Variants in ZMYM4 observed in about 807,000 individuals in gnomAD.
The protein encoded by ZMYM4 is zinc finger MYM-type protein 4.
Under a neutral mutation model 183.2 loss-of-function variants are expected in ZMYM4, and 31 were observed. That is an observed-to-expected ratio of 0.17 (90% CI 0.13 to 0.23). The LOEUF is 0.23. Ranked by LOEUF, ZMYM4 falls within the 10% of genes least tolerant of loss-of-function variation. The pLI is 1.00. For synonymous variants in ZMYM4, 592 were observed against 631.2 expected, an observed-to-expected ratio of 0.94 and a Z score of 0.93; for missense variants, 1,273 against 1,840.3, an observed-to-expected ratio of 0.69 and a Z score of 5.64.
Position 35,336,532 on chromosome 1 carries a change from G to A in ZMYM4, c.85+11127G>A, listed in dbSNP as rs201402967. Among the ~76,000 whole-genome samples the A allele has an allele frequency of 3.9e-5, 6 of 151,938 alleles. No homozygotes were observed. The East Asian group carries it at 5.8e-4, about 15-fold the overall frequency. Reference sequence around the variant, plus strand: ...CTCCCGAGTATCTAGGATTACAGGCGTGTGCCACCATCCCTGGCTAATTTT... The same window carrying A: ...CTCCCGAGTATCTAGGATTACAGGCATGTGCCACCATCCCTGGCTAATTTT... On this transcript the variant is annotated intron_variant, in intron 2 of 29. Transcript: ENST00000314607.
intron 25 of ZMYM4, among the ~76,000 whole-genome samples, chr1:35,406,672 T>C (rs953016260): frequency 6.6e-6 from 1 of 152,158 alleles, no homozygotes; most frequent in Non-Finnish European, 1.5e-5. Context: ...TTACTGAATA[T>C]CTCTCTTATA....
chr1:35,398,356 T>G, intron 20 of ZMYM4, 57 bp from the exon 21 acceptor site: 26 of 1,468,584 alleles, frequency 1.8e-5, no homozygotes, highest in Non-Finnish European at 2.4e-5. Flanking sequence ...TCATTTCATT[T>G]GAGATATAAT....
chr1:35,352,269 G>GCGCGCGCACA lies in ZMYM4; in HGVS notation c.86-6655_86-6654insGCGCGCACAC, dbSNP rs1366886543. 5.0e-4 allele frequency among the ~76,000 whole-genome samples: 62 copies of GCGCGCGCACA among 124,580 alleles called. 1 individual carries two copies. The highest frequency in any genetic ancestry group is 1.9e-3 in the African/African-American group (58 of 30,108). The allele number at this position is 124,580 out of a possible 152,430, so 81.7% of individuals were successfully genotyped here. On this transcript the variant is annotated intron_variant, in intron 2 of 29. Coordinates refer to ENST00000314607, the MANE Select transcript of ZMYM4 (RefSeq NM_005095.3). ...TAAAAATTAGCGCGCACGCGCGCGCGCACACACACACACACACACACACAC... is the reference window on the plus strand; with the variant it reads ...TAAAAATTAGCGCGCACGCGCGCGCGCGCGCGCACACACACACACACACACACACACACAC...
intron 25 of ZMYM4, among the ~76,000 whole-genome samples, chr1:35,407,305 C>T (rs1290873997): frequency 6.6e-6 from 1 of 151,778 alleles, no homozygotes; most frequent in African/African-American, 2.4e-5. Context: ...TGGTGGTGCA[C>T]GGCTGACTCC....
rs570949069 is a variant in ZMYM4 at position 35,392,193 on chromosome 1, TTTTG to T, written c.2588-15_2588-12del. ...TATAAATCACGTGAGGTTTCCTTAT[TTTTG>T]TTTATTTTAATCAGCAAATATTTCC... is the stretch of plus-strand genomic sequence containing the variant. On this transcript the variant is annotated splice_polypyrimidine_tract_variant and intron_variant, in intron 15 of 29. Transcript: ENST00000314607. 4.5e-4 allele frequency: 721 copies of T among 1,614,118 alleles called. 14 individuals are homozygous for T. The East Asian group carries it at 0.016, about 36-fold the overall frequency.
intron 2 of ZMYM4, among the ~76,000 whole-genome samples, chr1:35,342,912 C>T (rs887833409): frequency 6.6e-6 from 1 of 152,000 alleles, no homozygotes; most frequent in African/African-American, 2.4e-5. Context: ...GAACTCCAGG[C>T]CTCAAGCGAC....
chr1:35,370,158 A>C, intron 6 of ZMYM4, 45 bp downstream of exon 6: 1 of 1,590,276 alleles, frequency 6.3e-7, no homozygotes, highest in East Asian at 2.2e-5. Flanking sequence ...GTTCTGACCA[A>C]TATGAATGAG....
Position 35,352,267 on chromosome 1 carries a change from GCGCACACA to G in ZMYM4, c.86-6656_86-6649del, listed in dbSNP as rs1188933639. 4.2e-3 allele frequency among the ~76,000 whole-genome samples: 326 copies of G among 78,260 alleles called. 6 individuals carry two copies. Among genetic ancestry groups the G allele is most frequent in the African/African-American group, 0.011 (249 of 22,622 alleles). The allele number at this position is 78,260 out of a possible 152,430, so 51.3% of individuals were successfully genotyped here. On this transcript the variant is annotated intron_variant, in intron 2 of 29. Transcript: ENST00000314607. ...TTTAAAAATTAGCGCGCACGCGCGC[GCGCACACA>G]CACACACACACACACACACACACAC...
Position 35,393,740 on chromosome 1 carries a change from G to T in ZMYM4, c.2911+1G>T. On this transcript the variant is annotated splice_donor_variant, in intron 18 of 29. Coordinates refer to ENST00000314607, the MANE Select transcript of ZMYM4 (RefSeq NM_005095.3). LOFTEE classifies it high-confidence loss of function. ...ACCCAAAACAAAGAATGCCAGACAG[G>T]TATGTTCCTTGGTCTTTCTTTCTTT... 6.3e-7 allele frequency: 1 copy of T among 1,595,564 alleles called. No individual in the cohort carries two copies. Among genetic ancestry groups the T allele is most frequent in the Non-Finnish European group, 8.5e-7 (1 of 1,172,364 alleles).
At chr1:35,340,428 T>C (rs986254435) in intron 2 of ZMYM4, among the ~76,000 whole-genome samples, 1 of 152,058 alleles carries the variant, frequency 6.6e-6, no homozygotes, top group Non-Finnish European at 1.5e-5. Context: ...TTTCTGTTAT[T>C]ATTAGATTGT....
At chr1:35,392,500 C>A in intron 16 of ZMYM4, 147 bp from the exon 17 acceptor site, 1 of 1,283,370 alleles carries the variant, frequency 7.8e-7, no homozygotes, top group Non-Finnish European at 1.1e-6. Context: ...ATATCTCATA[C>A]TTTAGAATTG....
intron 1 of ZMYM4, among the ~76,000 whole-genome samples, chr1:35,292,774 A>G (rs1487093467): frequency 1.3e-5 from 2 of 152,244 alleles, no homozygotes; most frequent in East Asian, 3.9e-4. Flanking sequence ...TGCTGGGATT[A>G]CAGGCGTGAG....
intron 27 of ZMYM4, 26 bp from the exon 28 acceptor site, chr1:35,415,440 T>G: frequency 6.2e-7 from 1 of 1,613,878 alleles, no homozygotes; most frequent in Non-Finnish European, 8.5e-7. Context: ...CTCAGTACTG[T>G]TTCTTGTACC....
chr1:35,398,880 C>T lies in ZMYM4; in HGVS notation c.3270C>T (p.Tyr1090=), dbSNP rs201451239. The change falls in exon 22 of 30, where the codon TAC becomes TAT. Residue 1090 remains tyrosine, a synonymous_variant. Coordinates refer to ENST00000314607, the MANE Select transcript of ZMYM4 (RefSeq NM_005095.3). ...ATATTTCAGACCAAGGAAGTACATACAGTGGTGATCTTGAATCAGAGGCAG... is the reference window on the plus strand; with the variant it reads ...ATATTTCAGACCAAGGAAGTACATATAGTGGTGATCTTGAATCAGAGGCAG... ...KIFEKDQGST[Y]SGDLESEAVS... is the part of the protein sequence containing the mutation. 269 of 1,613,980 alleles carry T rather than the reference C, an allele frequency of 1.7e-4. 1 individual carries two copies. The highest frequency in any genetic ancestry group is 1.9e-4 in the Non-Finnish European group (225 of 1,179,994).
chr1:35,343,614 CA>C (rs1643283182), intron 2 of ZMYM4, among the ~76,000 whole-genome samples: 1 of 152,108 alleles, frequency 6.6e-6, no homozygotes, highest in Non-Finnish European at 1.5e-5. Context: ...CCTGTAATCC[CA>C]GCACTTTGGG....
intron 1 of ZMYM4, among the ~76,000 whole-genome samples, chr1:35,275,688 A>T (rs1310977116): frequency 6.6e-6 from 1 of 152,238 alleles, no homozygotes; most frequent in African/African-American, 2.4e-5. Flanking sequence ...ACTATGAGCT[A>T]ACTGTATGTA....
intron 1 of ZMYM4, among the ~76,000 whole-genome samples, chr1:35,293,752 A>G (rs1268566431): frequency 6.6e-6 from 1 of 152,172 alleles, no homozygotes; most frequent in Non-Finnish European, 1.5e-5. Flanking sequence ...CCAAGGAGAA[A>G]GAGTAGAAGT....
intron 2 of ZMYM4, among the ~76,000 whole-genome samples, chr1:35,347,346 T>C (rs1643434952): frequency 6.6e-6 from 1 of 152,220 alleles, no homozygotes; most frequent in Non-Finnish European, 1.5e-5. Flanking sequence ...TTGACCATTT[T>C]TGCAGATAGT....
chr1:35,337,361 C>T (rs1269748023), intron 2 of ZMYM4, among the ~76,000 whole-genome samples: 1 of 152,086 alleles, frequency 6.6e-6, no homozygotes, highest in African/African-American at 2.4e-5. Context: ...GACTCCAACT[C>T]ATATATATAT....
Sources: allele counts gnomAD v4.1 joint callset (sites outside exome capture counted in the v4.1 genomes callset), GRCh38; gene constraint gnomAD v4.1.1; transcripts MANE v1.5; gene names NCBI Gene and HGNC (gene_info 2026-07-23, HGNC 2026-07-21).